EYA1: variants seen among roughly 807,000 people sequenced by gnomAD.
EYA1 encodes the protein EYA transcriptional coactivator and phosphatase 1.
Under a neutral mutation model 82.0 loss-of-function variants are expected in EYA1, and 16 were observed. The ratio of observed to expected loss-of-function variants is 0.20; its 90% CI spans 0.13 to 0.30. EYA1 has a LOEUF of 0.30. Among genes scored for constraint, EYA1 ranks in the 10% least tolerant of loss-of-function variants. The pLI is 1.00. For missense variants in EYA1, 633 were observed against 730.7 expected, an observed-to-expected ratio of 0.87 and a Z score of 1.54; for synonymous variants, 261 against 264.4, an observed-to-expected ratio of 0.99 and a Z score of 0.12.
At chr8:71,482,159 C>T (rs1402117022) in intron 2 of EYA1, among the ~76,000 whole-genome samples, 1 of 152,040 alleles carries the variant, frequency 6.6e-6, no homozygotes, top group Non-Finnish European at 1.5e-5. Flanking sequence ...TAACATAGGA[C>T]TTATATGCAG....
intron 7 of EYA1, among the ~76,000 whole-genome samples, chr8:71,314,214 C>A (rs1821654726): frequency 6.6e-6 from 1 of 152,036 alleles, no homozygotes; most frequent in South Asian, 2.1e-4. Context: ...TATTAAAAAA[C>A]ATGTATTAAA....
At chr8:71,476,575 G>A (rs1039375135) in intron 2 of EYA1, among the ~76,000 whole-genome samples, 3 of 151,884 alleles carry the variant, frequency 2.0e-5, no homozygotes, top group Non-Finnish European at 4.4e-5. Flanking sequence ...AATTAAAGAA[G>A]AGCTAAATAC....
intron 12 of EYA1, among the ~76,000 whole-genome samples, chr8:71,241,184 A>G (rs763781927): frequency 6.6e-5 from 10 of 152,250 alleles, no homozygotes; most frequent in Non-Finnish European, 1.5e-4. Context: ...AACATTTTTT[A>G]TGGTACAGAA....
At chr8:71,356,770 C>T in intron 1 of EYA1, 1 of 1,157,622 alleles carries the variant, frequency 8.6e-7, no homozygotes, top group Non-Finnish European at 1.1e-6. Context: ...CATCACTGGC[C>T]TATGACAGCT....
chr8:71,299,560 A>G lies in EYA1; in HGVS notation c.639+78T>C. On this transcript the variant is annotated intron_variant, in intron 8 of 17. Transcript: ENST00000340726. ...GCCTTAGGAAAGCTCTCACTTATAA[A>G]CAGATCTTTCTTTACATAAGAAAAT... 3.4e-6 allele frequency: 3 copies of G among 893,994 alleles called. No homozygotes were observed. In the Admixed American group the frequency reaches 5.1e-5, roughly 15 times the overall value. 55.4% of individuals were successfully genotyped at this position (893,994 alleles called of 1,614,324 possible). A position where few individuals can be genotyped will look rare whatever the true frequency, so the allele number is the denominator to read the frequency against.
At chr8:71,246,151 G>C (rs1217519366) in intron 11 of EYA1, among the ~76,000 whole-genome samples, 2 of 152,294 alleles carry the variant, frequency 1.3e-5, no homozygotes, top group East Asian at 3.9e-4. Flanking sequence ...TTTTTTAAGG[G>C]TTTATTGGCA....
At chr8:71,325,381 C>T (rs750032349) in intron 4 of EYA1, among the ~76,000 whole-genome samples, 10 of 152,136 alleles carry the variant, frequency 6.6e-5, no homozygotes, top group Non-Finnish European at 1.3e-4. Flanking sequence ...TGCATTATAA[C>T]TAGCGTATGT....
intron 2 of EYA1, among the ~76,000 whole-genome samples, chr8:71,408,031 A>C (rs1235324303): frequency 6.6e-6 from 1 of 151,920 alleles, no homozygotes; most frequent in Non-Finnish European, 1.5e-5. Context: ...CTCTCGGCAG[A>C]AACCCTACAA....
intron 2 of EYA1, among the ~76,000 whole-genome samples, chr8:71,373,982 C>T (rs1363546175): frequency 6.6e-6 from 1 of 152,050 alleles, no homozygotes; most frequent in South Asian, 2.1e-4. Context: ...GACACAAAAG[C>T]AACTCCAAAT....
intron 3 of EYA1, among the ~76,000 whole-genome samples, chr8:71,346,013 CGTG>C (rs1384718347): frequency 1.3e-5 from 2 of 151,758 alleles, no homozygotes; most frequent in African/African-American, 4.9e-5. Context: ...CACGTGCACA[CGTG>C]CGCGCACACA....
chr8:71,418,736 G>A (rs1586679202), intron 2 of EYA1, among the ~76,000 whole-genome samples: 1 of 152,154 alleles, frequency 6.6e-6, no homozygotes, highest in Admixed American at 6.5e-5. Flanking sequence ...GGCAGGAGAG[G>A]CAGAAATAAA....
chr8:71,513,249 T>G (rs968385529), intron 2 of EYA1, among the ~76,000 whole-genome samples: 5 of 152,118 alleles, frequency 3.3e-5, no homozygotes, highest in African/African-American at 1.2e-4. Flanking sequence ...TTTCATATAC[T>G]TAAGATAAAA....
At chr8:71,208,469 A>G (rs551182455) in intron 17 of EYA1, among the ~76,000 whole-genome samples, 1 of 152,176 alleles carries the variant, frequency 6.6e-6, no homozygotes, top group Non-Finnish European at 1.5e-5. Context: ...GCCTATTTCC[A>G]GTATAAAAAT....
At chr8:71,425,104 C>CAAAAAAAAAA (rs71264555) in intron 2 of EYA1, among the ~76,000 whole-genome samples, 496 of 74,926 alleles carry the variant, frequency 6.6e-3, no homozygotes, top group Middle Eastern at 8.2e-3. Flanking sequence ...ACTAAAAATA[C>CAAAAAAAAAA]AAAAAAAAAA....
At chr8:71,251,655 G>T (rs1813761233) in intron 11 of EYA1, among the ~76,000 whole-genome samples, 2 of 152,070 alleles carry the variant, frequency 1.3e-5, no homozygotes, top group African/African-American at 4.8e-5. Flanking sequence ...GTAGAACCAG[G>T]AATAAAACAA....
chr8:71,288,968 G>C (rs1818706147), intron 9 of EYA1, among the ~76,000 whole-genome samples: 1 of 152,192 alleles, frequency 6.6e-6, no homozygotes, highest in African/African-American at 2.4e-5. Context: ...ATTGGATTCA[G>C]ATCCCCACCT....
chr8:71,286,152 A>G (rs8181006), intron 9 of EYA1, among the ~76,000 whole-genome samples: 88,767 of 152,022 alleles, frequency 0.58, 26,670 homozygotes, highest in East Asian at 0.83. Flanking sequence ...GGTGTGCCCC[A>G]TTCACCCAGG....
chr8:71,314,725 A>G (rs1323336957), intron 7 of EYA1, among the ~76,000 whole-genome samples: 2 of 152,176 alleles, frequency 1.3e-5, no homozygotes, highest in African/African-American at 4.8e-5. Flanking sequence ...AAAACTGAGT[A>G]AATTATCATT....
intron 12 of EYA1, among the ~76,000 whole-genome samples, chr8:71,240,053 T>A (rs1436851443): frequency 6.6e-6 from 1 of 152,202 alleles, no homozygotes; most frequent in Non-Finnish European, 1.5e-5. Context: ...AATTTATAGA[T>A]GATAACCTAA....
Sources: allele counts gnomAD v4.1 joint callset (sites outside exome capture counted in the v4.1 genomes callset), GRCh38; gene constraint gnomAD v4.1.1; transcripts MANE v1.5; gene names NCBI Gene and HGNC (gene_info 2026-07-23, HGNC 2026-07-21).